DNER: variants seen among roughly 807,000 people sequenced by gnomAD.
DNER encodes delta and Notch-like epidermal growth factor-related receptor.
A neutral mutation model predicts 78.2 loss-of-function variants in DNER; 33 were observed. The ratio of observed to expected loss-of-function variants is 0.42; its 90% confidence interval spans 0.32 to 0.56. The LOEUF (loss-of-function observed/expected upper bound fraction) is 0.56. DNER is among the 20% of genes least tolerant of loss of function. The pLI is 0.11. For synonymous variants in DNER, 417 were observed against 384.8 expected, an observed-to-expected ratio of 1.08 and a Z score of -0.98; for missense variants, 918 against 975.3, an observed-to-expected ratio of 0.94 and a Z score of 0.78.
At chr2:229,408,002 G>C (rs986222826) in intron 9 of DNER, among the ~76,000 whole-genome samples, 3 of 152,182 alleles carry the variant, frequency 2.0e-5, no homozygotes, top group African/African-American at 7.2e-5. Flanking sequence ...CCATCCCAGA[G>C]TCTGTGTTTG....
intron 1 of DNER, among the ~76,000 whole-genome samples, chr2:229,704,202 A>G (rs1350146083): frequency 1.3e-5 from 2 of 152,258 alleles, no homozygotes; most frequent in Non-Finnish European, 2.9e-5. Context: ...CCAATGATAT[A>G]CCAAGAACTG....
In DNER at chr2:229,588,498, G is replaced by GAAAA. The variant is rs11458391; in HGVS notation, c.586-14_586-11dup. 2.5e-6 allele frequency: 3 copies of GAAAA among 1,189,118 alleles called. No individual in the cohort carries two copies. The highest frequency in any genetic ancestry group is 2.1e-5 in the Admixed American group (1 of 46,748). The allele number at this position is 1,189,118 out of a possible 1,614,324, so 73.7% of individuals were successfully genotyped here. ...CAATATCTGGGATCACCTGGGAAGG[G>GAAAA]AAAAAAAAAACGACATATGATTGGG... On this transcript the variant is annotated splice_polypyrimidine_tract_variant and intron_variant, in intron 2 of 12. Coordinates refer to ENST00000341772, the MANE Select transcript of DNER (RefSeq NM_139072.4).
At chr2:229,407,422 A>G in intron 9 of DNER, 77 bp from the exon 10 acceptor site, 1 of 1,281,566 alleles carries the variant, frequency 7.8e-7, no homozygotes, top group Non-Finnish European at 1.1e-6. Context: ...CAAAGTCGGA[A>G]CTCTCTGGAA....
chr2:229,520,007 G>A (rs1696062503), intron 5 of DNER, among the ~76,000 whole-genome samples: 1 of 152,142 alleles, frequency 6.6e-6, no homozygotes, highest in South Asian at 2.1e-4. Flanking sequence ...CCTCTTATAA[G>A]AGGTATACAT....
At chr2:229,408,515 C>T (rs1415447253) in intron 9 of DNER, among the ~76,000 whole-genome samples, 1 of 152,076 alleles carries the variant, frequency 6.6e-6, no homozygotes, top group Admixed American at 6.5e-5. Context: ...GATATGCCCA[C>T]ACTTCCCAAC....
intron 7 of DNER, among the ~76,000 whole-genome samples, chr2:229,473,368 T>C (rs1275189556): frequency 6.6e-6 from 1 of 152,224 alleles, no homozygotes; most frequent in African/African-American, 2.4e-5. Flanking sequence ...TATTCAGAGA[T>C]GGTATAGGAC....
intron 2 of DNER, among the ~76,000 whole-genome samples, chr2:229,589,591 A>C (rs1053182257): frequency 6.6e-6 from 1 of 152,218 alleles, no homozygotes; most frequent in Non-Finnish European, 1.5e-5. Flanking sequence ...CCTAAGAAAT[A>C]ATCCATGATA....
At chr2:229,703,825 C>T (rs899209879) in intron 1 of DNER, among the ~76,000 whole-genome samples, 16 of 150,720 alleles carry the variant, frequency 1.1e-4, no homozygotes, top group African/African-American at 3.4e-4. Context: ...TGCAAGGAGC[C>T]GAGATCACAA....
intron 8 of DNER, among the ~76,000 whole-genome samples, chr2:229,441,263 A>G (rs1694228847): frequency 1.3e-5 from 2 of 152,076 alleles, no homozygotes; most frequent in African/African-American, 4.8e-5. Flanking sequence ...AGAATTTTAT[A>G]TGAACTATTG....
chr2:229,644,844 T>C lies in DNER; in HGVS notation c.277-52956A>G, dbSNP rs183729183. The stretch of plus-strand genomic sequence containing the variant: ...GTAATGGGTATTTCAATCACAACAC[T>C]GCACAACCCATCAGCTGTAAATATT... On this transcript the variant is annotated intron_variant, in intron 1 of 12. Transcript: ENST00000341772. 9.8e-4 allele frequency among the ~76,000 whole-genome samples: 150 copies of C among 152,302 alleles called. 1 individual carries two copies. Among genetic ancestry groups the C allele is most frequent in the African/African-American group, 3.1e-3 (130 of 41,564 alleles).
intron 7 of DNER, among the ~76,000 whole-genome samples, chr2:229,457,382 G>C (rs1694599064): frequency 6.6e-6 from 1 of 151,946 alleles, no homozygotes; most frequent in African/African-American, 2.4e-5. Context: ...AATAATAAGG[G>C]AAGTTAATAG....
intron 1 of DNER, among the ~76,000 whole-genome samples, chr2:229,646,872 AAAAT>A (rs1258919929): frequency 6.6e-6 from 1 of 152,250 alleles, no homozygotes; most frequent in African/African-American, 2.4e-5. Flanking sequence ...AGTAAAAAGA[AAAAT>A]AAAACAGAGT....
chr2:229,410,361 G>A (rs1030253802), intron 9 of DNER, among the ~76,000 whole-genome samples: 6 of 152,188 alleles, frequency 3.9e-5, no homozygotes, highest in African/African-American at 1.4e-4. Flanking sequence ...CATAATGCGT[G>A]GAAGAAATTA....
At chr2:229,655,427 C>T (rs1012202111) in intron 1 of DNER, among the ~76,000 whole-genome samples, 17 of 152,032 alleles carry the variant, frequency 1.1e-4, no homozygotes, top group Non-Finnish European at 1.5e-5. Context: ...GATTTAAATA[C>T]CATCAGACTC....
intron 7 of DNER, among the ~76,000 whole-genome samples, chr2:229,457,723 T>C (rs2106366590): frequency 1.4e-5 from 2 of 148,058 alleles, no homozygotes; most frequent in Admixed American, 1.3e-4. Context: ...TTATATTGAA[T>C]ATAAGTAGAC....
chr2:229,640,006 G>T (rs1350714415), intron 1 of DNER, among the ~76,000 whole-genome samples: 1 of 152,198 alleles, frequency 6.6e-6, no homozygotes, highest in Non-Finnish European at 1.5e-5. Context: ...AAGAAAAACT[G>T]TACTGAGAAA....
chr2:229,521,153 C>T (rs1028869590), intron 5 of DNER, among the ~76,000 whole-genome samples: 1 of 152,196 alleles, frequency 6.6e-6, no homozygotes, highest in Non-Finnish European at 1.5e-5. Flanking sequence ...TTCCTAACAT[C>T]GGAAAGCTCT....
intron 7 of DNER, among the ~76,000 whole-genome samples, chr2:229,465,087 C>A (rs113429002): frequency 1.6e-4 from 24 of 152,268 alleles, no homozygotes; most frequent in African/African-American, 5.3e-4. Flanking sequence ...TGGGTGTATA[C>A]CCAAGGGAAT....
intron 8 of DNER, among the ~76,000 whole-genome samples, chr2:229,434,577 G>A (rs548060488): frequency 1.3e-5 from 2 of 152,182 alleles, no homozygotes; most frequent in East Asian, 3.9e-4. Flanking sequence ...TTAAATTAAG[G>A]ATGCCTAAAC....
Sources: gnomAD v4.1 joint callset for allele counts (sites outside exome capture counted in the v4.1 genomes callset) on GRCh38, gnomAD v4.1.1 for gene constraint, MANE v1.5 for transcripts, NCBI Gene and HGNC (gene_info 2026-07-23, HGNC 2026-07-21) for gene names.